The following ABCG2 variants were observed in gnomAD, a reference collection of about 807,000 sequenced individuals.
The protein encoded by ABCG2 is broad substrate specificity ATP-binding cassette transporter ABCG2.
In ABCG2, 80 loss-of-function variants were observed where a neutral mutation model predicts 73.5. The ratio of observed to expected loss-of-function variants is 1.09; its 90% confidence interval spans 0.91 to 1.31. The LOEUF (loss-of-function observed/expected upper bound fraction) is 1.31. Among genes scored for constraint, ABCG2 ranks in the 50% most tolerant of loss-of-function variants. The probability of loss-of-function intolerance (pLI) is 0.00; values close to 1 mark genes in which losing one functional copy is unlikely to be tolerated. For missense variants in ABCG2, 796 were observed against 786.2 expected, an observed-to-expected ratio of 1.01 and a Z score of -0.15; for synonymous variants, 269 against 282.4, an observed-to-expected ratio of 0.95 and a Z score of 0.48.
intron 10 of ABCG2, among the ~76,000 whole-genome samples, chr4:88,101,526 TCA>T (rs1722416441): frequency 6.6e-6 from 1 of 152,150 alleles, no homozygotes; most frequent in South Asian, 2.1e-4. Context: ...ATTTTGAAAC[TCA>T]CAGTCTTGGA....
chr4:88,119,553 G>A (rs571692700), intron 6 of ABCG2, among the ~76,000 whole-genome samples: 8 of 152,328 alleles, frequency 5.3e-5, no homozygotes, highest in African/African-American at 1.9e-4. Context: ...AGTCCAGGTT[G>A]AGGTGGTCTC....
intron 1 of ABCG2, among the ~76,000 whole-genome samples, chr4:88,183,954 A>G (rs1481107552): frequency 6.6e-6 from 1 of 152,224 alleles, no homozygotes; most frequent in Non-Finnish European, 1.5e-5. Flanking sequence ...AGAATGAAGG[A>G]CAAAGACATG....
intron 1 of ABCG2, among the ~76,000 whole-genome samples, chr4:88,174,325 C>T (rs1413594774): frequency 1.3e-5 from 2 of 152,080 alleles, no homozygotes; most frequent in Admixed American, 6.6e-5. Context: ...TCTCCTTGCT[C>T]CCTACTCCCC....
chr4:88,190,002 G>T (rs920920563), intron 1 of ABCG2, among the ~76,000 whole-genome samples: 1 of 152,116 alleles, frequency 6.6e-6, no homozygotes, highest in Non-Finnish European at 1.5e-5. Flanking sequence ...AATGAATGAG[G>T]TTAGTTTAAA....
chr4:88,138,853 TA>T (rs201189471), intron 2 of ABCG2, among the ~76,000 whole-genome samples: 28 of 150,730 alleles, frequency 1.9e-4, no homozygotes, highest in African/African-American at 6.3e-4. Context: ...CATTTGACCA[TA>T]AAAAAAAATG....
At chr4:88,229,330 C>T (rs1442100267) in intron 1 of ABCG2, among the ~76,000 whole-genome samples, 1 of 152,114 alleles carries the variant, frequency 6.6e-6, no homozygotes, top group Non-Finnish European at 1.5e-5. Flanking sequence ...CAAATGGCTT[C>T]AGCATCTTCA....
At chr4:88,100,484 C>T (rs536522446) in intron 11 of ABCG2, among the ~76,000 whole-genome samples, 1 of 146,046 alleles carries the variant, frequency 6.8e-6, no homozygotes, top group Non-Finnish European at 1.5e-5. Flanking sequence ...GCCTGGGAGA[C>T]AGAGCGAGCG....
chr4:88,156,620 TA>T (rs1456607038), intron 1 of ABCG2, among the ~76,000 whole-genome samples: 2 of 151,880 alleles, frequency 1.3e-5, no homozygotes, highest in Non-Finnish European at 2.9e-5. Flanking sequence ...GAATTTTAAT[TA>T]AAAAATGTAG....
chr4:88,223,596 C>G (rs551474501), intron 1 of ABCG2: 2 of 152,244 alleles, frequency 1.3e-5, no homozygotes, highest in African/African-American at 2.4e-5. Context: ...GTCAATTAAA[C>G]CTCTTTCTTT....
Position 88,147,075 on chromosome 4 carries a change from A to G in ABCG2, c.-19-7061T>C, listed in dbSNP as rs572386045. ...GAAAGGTAAAGGAAAGGAAAGGAAA[A>G]GAAAAGAAAAGAAAAAAGAAGAGAG... is the stretch of plus-strand genomic sequence containing the variant. On this transcript the variant is annotated intron_variant, in intron 1 of 15. Transcript: ENST00000237612. Among the ~76,000 whole-genome samples, 299 of 150,702 alleles carry G rather than the reference A, an allele frequency of 2.0e-3. 1 individual carries two copies. Among genetic ancestry groups the G allele is most frequent in the African/African-American group, 7.0e-3 (284 of 40,848 alleles).
chr4:88,118,421 A>C (rs545840291), intron 6 of ABCG2, among the ~76,000 whole-genome samples, 161 bp from the exon 7 acceptor site: 6 of 152,386 alleles, frequency 3.9e-5, no homozygotes, highest in Admixed American at 2.0e-4. Context: ...TAGCAAACCT[A>C]AATTCAATGC....
upstream of ABCG2, among the ~76,000 whole-genome samples, chr4:88,162,047 A>G (rs1727343514): frequency 6.6e-6 from 1 of 152,074 alleles, no homozygotes; most frequent in African/African-American, 2.4e-5. Context: ...AATTTGTACA[A>G]ACAATTTTTT....
At chr4:88,202,349 A>AC (rs1729202400) in intron 1 of ABCG2, among the ~76,000 whole-genome samples, 1 of 6,468 alleles carries the variant, frequency 1.5e-4, no homozygotes, top group Non-Finnish European at 4.0e-4. Context: ...CATCTCTACA[A>AC]TTATTTATAT....
chr4:88,161,918 G>A (rs1258475275), upstream of ABCG2, among the ~76,000 whole-genome samples: 1 of 143,674 alleles, frequency 7.0e-6, no homozygotes, highest in Non-Finnish European at 1.5e-5. Flanking sequence ...TTCTCTGATG[G>A]CCAGTGATGA....
chr4:88,224,537 G>T (rs1308265593), intron 1 of ABCG2, among the ~76,000 whole-genome samples: 2 of 151,980 alleles, frequency 1.3e-5, no homozygotes, highest in Non-Finnish European at 2.9e-5. Flanking sequence ...TGTTGCCCAG[G>T]CTGGAATGCA....
intron 1 of ABCG2, among the ~76,000 whole-genome samples, chr4:88,192,697 G>A (rs1016999085): frequency 2.0e-5 from 3 of 149,622 alleles, no homozygotes; most frequent in Non-Finnish European, 4.4e-5. Flanking sequence ...GGGATTACAG[G>A]CATGAGCCAC....
At position 88,122,899 on chromosome 4, in the gene ABCG2, C is replaced by T. The variant is rs527497884; in HGVS notation, c.532-1107G>A. On this transcript the variant is annotated intron_variant, in intron 5 of 15. Transcript: ENST00000237612. ...ACCTCCCAGCAGGGGTCGACAGACA[C>T]TTCATACAGGAGAGCTCCAGCTGGC... Among the ~76,000 whole-genome samples, 77 of 152,336 alleles carry T rather than the reference C, an allele frequency of 5.1e-4. 1 individual carries two copies. Among genetic ancestry groups the T allele is most frequent in the Middle Eastern group, 3.4e-3 (1 of 294 alleles).
chr4:88,167,903 G>T (rs1727603553), intron 1 of ABCG2, among the ~76,000 whole-genome samples: 1 of 152,172 alleles, frequency 6.6e-6, no homozygotes, highest in Non-Finnish European at 1.5e-5. Context: ...GTTGAGATCA[G>T]AGAGCACAGA....
chr4:88,097,144 A>G (rs45556834), intron 13 of ABCG2, among the ~76,000 whole-genome samples: 2,972 of 152,322 alleles, frequency 0.02, 77 homozygotes, highest in African/African-American at 0.064. Flanking sequence ...ATGTCTTCTG[A>G]TTTTTGAAAT....
Sources: allele counts gnomAD v4.1 joint callset (sites outside exome capture counted in the v4.1 genomes callset), GRCh38; gene constraint gnomAD v4.1.1; transcripts MANE v1.5; gene names NCBI Gene and HGNC (gene_info 2026-07-23, HGNC 2026-07-21).